LPIN1: variants seen among roughly 807,000 people sequenced by gnomAD.
LPIN1 encodes phosphatidate phosphatase LPIN1.
Under a neutral mutation model 107.5 loss-of-function variants are expected in LPIN1, and 71 were observed. The observed-to-expected ratio is 0.66, with a 90% CI of 0.55 to 0.80. LPIN1 has a LOEUF of 0.80. Among genes scored for constraint, LPIN1 ranks in the 30% least tolerant of loss-of-function variants. The pLI is 0.00. For synonymous variants in LPIN1, 445 were observed against 452.6 expected, an observed-to-expected ratio of 0.98 and a Z score of 0.21; for missense variants, 1,043 against 1,160.6, an observed-to-expected ratio of 0.90 and a Z score of 1.47.
chr2:11,734,244 G>C (rs1665560691), intron 1 of LPIN1, among the ~76,000 whole-genome samples: 1 of 152,160 alleles, frequency 6.6e-6, no homozygotes, highest in Non-Finnish European at 1.5e-5. Context: ...ATAGGATGAG[G>C]GATGGATAAT....
intron 19 of LPIN1, 115 bp downstream of exon 19, chr2:11,819,713 C>T: frequency 1.2e-6 from 1 of 838,706 alleles, no homozygotes; most frequent in Non-Finnish European, 2.1e-6. Context: ...ATCCCAGAAG[C>T]AGTAGCCTGG....
At chr2:11,789,563 CGT>C (rs894847681) in intron 12 of LPIN1, among the ~76,000 whole-genome samples, 1 of 147,184 alleles carries the variant, frequency 6.8e-6, no homozygotes, top group Admixed American at 6.8e-5. Context: ...TGGATGTGCA[CGT>C]GTGTGTGTGC....
intron 1 of LPIN1, among the ~76,000 whole-genome samples, chr2:11,696,905 C>A (rs1195269765): frequency 6.6e-6 from 1 of 152,228 alleles, no homozygotes; most frequent in African/African-American, 2.4e-5. Flanking sequence ...CCAGGTGTGC[C>A]TCCCCTGGCC....
At chr2:11,776,400 T>C (rs1448819724) in intron 6 of LPIN1, among the ~76,000 whole-genome samples, 1 of 152,198 alleles carries the variant, frequency 6.6e-6, no homozygotes, top group Non-Finnish European at 1.5e-5. Flanking sequence ...ATTACTCTTT[T>C]CCTTTCGTTA....
At chr2:11,770,833 C>T (rs935698497) in intron 3 of LPIN1, among the ~76,000 whole-genome samples, 1 of 152,182 alleles carries the variant, frequency 6.6e-6, no homozygotes, top group Admixed American at 6.5e-5. Context: ...CCTCCTTGGG[C>T]CCTGGTGCAG....
At chr2:11,741,667 C>T (rs1023929394), upstream of LPIN1, among the ~76,000 whole-genome samples, 15 of 152,022 alleles carry the variant, frequency 9.9e-5, no homozygotes, top group Non-Finnish European at 1.8e-4. Context: ...AAAAATGAGC[C>T]GGGCAAGGTG....
chr2:11,791,752 G>A, intron 12 of LPIN1, 162 bp from the exon 13 acceptor site: 1 of 1,476,588 alleles, frequency 6.8e-7, no homozygotes, highest in East Asian at 2.8e-5. Context: ...ACGCCATTAG[G>A]TTTTGCTTCT....
At chr2:11,732,905 CTCTCTCTG>C (rs1475312806) in intron 1 of LPIN1, among the ~76,000 whole-genome samples, 8 of 146,952 alleles carry the variant, frequency 5.4e-5, no homozygotes, top group African/African-American at 2.1e-4. Flanking sequence ...CTCTCTCTCT[CTCTCTCTG>C]TGTGTGTGTG....
At chr2:11,804,930 G>C (rs942668264) in intron 16 of LPIN1, 140 bp from the exon 17 acceptor site, 39 of 681,886 alleles carry the variant, frequency 5.7e-5, no homozygotes, top group Middle Eastern at 7.0e-4. Context: ...CAACTTTGAT[G>C]ACTTGAGCCT....
intron 2 of LPIN1, among the ~76,000 whole-genome samples, chr2:11,767,006 G>C (rs1295913535): frequency 6.6e-6 from 1 of 152,178 alleles, no homozygotes; most frequent in Non-Finnish European, 1.5e-5. Context: ...CGTTCAGTCA[G>C]TTGCGAGCTT....
chr2:11,740,018 C>A (rs1303663498), intron 1 of LPIN1, among the ~76,000 whole-genome samples: 1 of 152,156 alleles, frequency 6.6e-6, no homozygotes, highest in East Asian at 1.9e-4. Context: ...TTGCTGTCTA[C>A]AAGCTAGAGA....
intron 12 of LPIN1, 163 bp from the exon 13 acceptor site, chr2:11,791,751 G>A (rs1268497250): frequency 3.4e-6 from 5 of 1,476,018 alleles, no homozygotes; most frequent in African/African-American, 1.4e-5. Context: ...GACGCCATTA[G>A]GTTTTGCTTC....
chr2:11,810,630 G>A (rs10520098), intron 17 of LPIN1, among the ~76,000 whole-genome samples: 1 of 152,096 alleles, frequency 6.6e-6, no homozygotes, highest in African/African-American at 2.4e-5. Flanking sequence ...TACAGCAGTG[G>A]CTCTCAACTG....
intron 1 of LPIN1, among the ~76,000 whole-genome samples, chr2:11,687,103 T>G (rs1662049797): frequency 1.3e-5 from 2 of 148,336 alleles, no homozygotes; most frequent in Admixed American, 6.9e-5. Flanking sequence ...GCTCAAGTGG[T>G]CCTCCCACCT....
intron 2 of LPIN1, among the ~76,000 whole-genome samples, chr2:11,718,188 G>A (rs988550419): frequency 2.0e-5 from 3 of 152,102 alleles, no homozygotes; most frequent in African/African-American, 7.2e-5. Flanking sequence ...AGCAAAAGCT[G>A]GAGTACATTT....
At chr2:11,801,649 CAT>C (rs1326468836) in intron 14 of LPIN1, among the ~76,000 whole-genome samples, 1 of 152,046 alleles carries the variant, frequency 6.6e-6, no homozygotes, top group Non-Finnish European at 1.5e-5. Flanking sequence ...TGGGTACAAA[CAT>C]ACAGTTAGAT....
At chr2:11,770,854 G>C (rs558934106) in intron 3 of LPIN1, among the ~76,000 whole-genome samples, 1 of 152,292 alleles carries the variant, frequency 6.6e-6, no homozygotes, top group East Asian at 1.9e-4. Flanking sequence ...GCAGGTTCTT[G>C]GGCGGGGCTA....
At chr2:11,772,992 T>C (rs1346704037) in intron 4 of LPIN1, among the ~76,000 whole-genome samples, 1 of 152,250 alleles carries the variant, frequency 6.6e-6, no homozygotes, top group Non-Finnish European at 1.5e-5. Context: ...AATTGCCTTC[T>C]CTGCATGGCT....
Position 11,765,400 on chromosome 2 carries a change from C to G in LPIN1, c.-9-133C>G. The G allele has an allele frequency of 1.2e-6, 1 of 819,940 alleles. No individual in the cohort carries two copies. Among genetic ancestry groups the G allele is most frequent in the Non-Finnish European group, 1.9e-6 (1 of 518,346 alleles). The allele number at this position is 819,940 out of a possible 1,614,324, so 50.8% of individuals were successfully genotyped here. A position where few individuals can be genotyped will look rare whatever the true frequency, so the allele number is the denominator to read the frequency against. On this transcript the variant is annotated intron_variant, in intron 1 of 20. Coordinates refer to ENST00000674199, the MANE Select transcript of LPIN1 (RefSeq NM_001349206.2). The surrounding 1 kb of genome is among the most constrained non-coding windows in gnomAD (Gnocchi z 4.4). ...ATGGGCTATGGGGGTGGATAGAACA[C>G]ATTCCGGAAATGAGAGGAGCTGAAA...
Sources: gnomAD v4.1 joint callset for allele counts (sites outside exome capture counted in the v4.1 genomes callset) on GRCh38, gnomAD v4.1.1 for gene constraint, Gnocchi (gnomAD v3.1) non-coding constraint, MANE v1.5 for transcripts, NCBI Gene and HGNC (gene_info 2026-07-23, HGNC 2026-07-21) for gene names.